MAN1A2: variants seen among roughly 807,000 people sequenced by gnomAD.
The protein encoded by MAN1A2 is mannosidase alpha class 1A member 2, also known as mannosyl-oligosaccharide 1,2-alpha-mannosidase IB.
MAN1A2 carries 26 observed loss-of-function variants against 75.7 expected under a neutral mutation model. The observed-to-expected ratio is 0.34, with a 90% CI of 0.25 to 0.48. The LOEUF (loss-of-function observed/expected upper bound fraction) is 0.48, where lower values mean the gene tolerates loss of function less well. Among genes scored for constraint, MAN1A2 ranks in the 20% least tolerant of loss-of-function variants. The pLI, the probability that MAN1A2 is intolerant of heterozygous loss-of-function variation, is 0.99. For synonymous variants in MAN1A2, 247 were observed against 264.6 expected (o/e 0.93, Z 0.65); for missense variants, 562 against 775.5 (o/e 0.72, Z 3.27).
intron 11 of MAN1A2, among the ~76,000 whole-genome samples, chr1:117,501,766 A>G (rs370000277): frequency 6.6e-6 from 1 of 151,940 alleles, no homozygotes; most frequent in East Asian, 1.9e-4. Context: ...AATGTTAATT[A>G]GCTTTTCATA....
At chr1:117,466,272 T>C in intron 7 of MAN1A2, 62 bp from the exon 8 acceptor site, 2 of 1,126,802 alleles carry the variant, frequency 1.8e-6, no homozygotes, top group Non-Finnish European at 2.6e-6. Context: ...AAGCCTACAT[T>C]AAAACCAAGC....
At position 117,425,720 on chromosome 1, in the gene MAN1A2, C is replaced by T. The variant is rs181883268; in HGVS notation, c.855+5071C>T. On this transcript the variant is annotated intron_variant, in intron 5 of 12. Coordinates refer to ENST00000356554, the MANE Select transcript of MAN1A2 (RefSeq NM_006699.5). ...TTCTCAAGGTGATAAAGGGCATCTA[C>T]AAAAAACCTATAGCTAACAATATTC... 6.2e-3 allele frequency among the ~76,000 whole-genome samples: 940 copies of T among 152,214 alleles called. 6 individuals carry two copies. The highest frequency in any genetic ancestry group is 0.011 in the Non-Finnish European group (732 of 67,992).
chr1:117,460,093 GTTTA>G (rs1409985386), intron 6 of MAN1A2, among the ~76,000 whole-genome samples: 2 of 150,934 alleles, frequency 1.3e-5, no homozygotes, highest in Non-Finnish European at 3.0e-5. Context: ...TGAGAAAGTT[GTTTA>G]TGAACTGATA....
chr1:117,455,539 C>T (rs1649551139), intron 6 of MAN1A2, among the ~76,000 whole-genome samples: 1 of 152,036 alleles, frequency 6.6e-6, no homozygotes, highest in Non-Finnish European at 1.5e-5. Flanking sequence ...CTACACTTGG[C>T]TGAGGGGCTG....
intron 1 of MAN1A2, among the ~76,000 whole-genome samples, chr1:117,385,834 A>G (rs1019176423): frequency 2.0e-5 from 3 of 150,372 alleles, no homozygotes; most frequent in Non-Finnish European, 3.0e-5. Flanking sequence ...CTGAAGAACT[A>G]GGTTTAGTAA....
intron 4 of MAN1A2, among the ~76,000 whole-genome samples, chr1:117,418,054 A>G (rs1208607075): frequency 1.3e-5 from 2 of 152,136 alleles, no homozygotes; most frequent in Non-Finnish European, 2.9e-5. Context: ...TCTGAAGAAT[A>G]TAAGGATTTT....
At chr1:117,386,220 A>AG (rs1653520550) in intron 1 of MAN1A2, among the ~76,000 whole-genome samples, 1 of 152,204 alleles carries the variant, frequency 6.6e-6, no homozygotes, top group Admixed American at 6.5e-5. Flanking sequence ...AAATAAAATA[A>AG]GGGGATGAAG....
chr1:117,420,497 G>A, intron 4 of MAN1A2, 72 bp from the exon 5 acceptor site: 1 of 1,069,604 alleles, frequency 9.3e-7, no homozygotes, highest in Non-Finnish European at 1.4e-6. Flanking sequence ...AAAAACAAAT[G>A]AAGTATTGAT....
At chr1:117,401,683 A>G (rs1038682739) in intron 1 of MAN1A2, among the ~76,000 whole-genome samples, 2 of 152,212 alleles carry the variant, frequency 1.3e-5, no homozygotes, top group Non-Finnish European at 2.9e-5. Context: ...AGTTTTAAGT[A>G]GTCATGCCCA....
intron 12 of MAN1A2, among the ~76,000 whole-genome samples, chr1:117,516,170 G>GA (rs1651709131): frequency 6.6e-6 from 1 of 151,876 alleles, no homozygotes; most frequent in Non-Finnish European, 1.5e-5. Flanking sequence ...AATTTATTTG[G>GA]ATTCTTGCAG....
chr1:117,445,868 G>C (rs6688396), intron 6 of MAN1A2, among the ~76,000 whole-genome samples: 2 of 94,208 alleles, frequency 2.1e-5, no homozygotes, highest in African/African-American at 8.9e-5. Context: ...GTATGTGTGT[G>C]TGTGTCTGTG....
At chr1:117,516,625 T>C (rs778782494) in intron 12 of MAN1A2, among the ~76,000 whole-genome samples, 56 of 152,154 alleles carry the variant, frequency 3.7e-4, no homozygotes, top group Admixed American at 1.4e-3. Flanking sequence ...AATAATGGTT[T>C]TGAAACACCA....
At chr1:117,412,400 A>G (rs1023859320) in intron 3 of MAN1A2, among the ~76,000 whole-genome samples, 2 of 151,624 alleles carry the variant, frequency 1.3e-5, no homozygotes, top group African/African-American at 4.8e-5. Context: ...AAACGAGGTT[A>G]ATGGTAGATT....
At chr1:117,382,490 G>T (rs1223240543) in intron 1 of MAN1A2, among the ~76,000 whole-genome samples, 4 of 152,140 alleles carry the variant, frequency 2.6e-5, no homozygotes, top group Admixed American at 2.6e-4. Context: ...TCAGATAGTT[G>T]TAGATATGCG....
rs372300456 is a variant in MAN1A2 at position 117,458,523 on chromosome 1, A to AGATATT, written c.951-1966_951-1965insGATATT. 8.5e-4 allele frequency among the ~76,000 whole-genome samples: 90 copies of AGATATT among 105,602 alleles called. 1 individual carries two copies. The highest frequency in any genetic ancestry group is 2.0e-3 in the African/African-American group (58 of 29,012). 69.3% of individuals were successfully genotyped at this position (105,602 alleles called of 152,430 possible). A position where few individuals can be genotyped will look rare whatever the true frequency, so the allele number is the denominator to read the frequency against. On this transcript the variant is annotated intron_variant, in intron 6 of 12. Transcript: ENST00000356554. ...TATATATATATATAGATATATATATATTTTTTTTTTTTTTTTTGAGACAGA... is the reference window on the plus strand; with the variant it reads ...TATATATATATATAGATATATATATAGATATTTTTTTTTTTTTTTTTTTGAGACAGA...
chr1:117,392,749 A>G (rs1250688402), intron 1 of MAN1A2, among the ~76,000 whole-genome samples: 3 of 152,210 alleles, frequency 2.0e-5, no homozygotes, highest in South Asian at 2.1e-4. Flanking sequence ...AAATCTTTTA[A>G]TAGCCAGATA....
rs1256464203 is a variant in MAN1A2, at chr1:117,445,868, G to GTATATATATATATA, written c.950+3544_950+3545insATATATATATATAT. ...TGTGTGTGTGTGTGTGTATGTGTGT[G>GTATATATATATATA]TGTGTCTGTGTGTGTGTATATATAT... On this transcript the variant is annotated intron_variant, in intron 6 of 12. Transcript: ENST00000356554. Among the ~76,000 whole-genome samples, 6 of 94,180 alleles carry GTATATATATATATA rather than the reference G, an allele frequency of 6.4e-5. No individual in the cohort carries two copies. In the South Asian group the frequency reaches 9.0e-4, roughly 14 times the overall value. The allele number at this position is 94,180 out of a possible 152,430, so 61.8% of individuals were successfully genotyped here.
intron 12 of MAN1A2, among the ~76,000 whole-genome samples, chr1:117,504,482 G>A (rs1285018457): frequency 6.6e-6 from 1 of 150,642 alleles, no homozygotes; most frequent in African/African-American, 2.4e-5. Flanking sequence ...ACAAGTTGAT[G>A]GTGACCAGCA....
chr1:117,490,417 G>A (rs1418958454), intron 8 of MAN1A2, among the ~76,000 whole-genome samples: 1 of 152,042 alleles, frequency 6.6e-6, no homozygotes, highest in African/African-American at 2.4e-5. Flanking sequence ...TGGGCAGCAT[G>A]AACAGCACCC....
Sources: allele counts gnomAD v4.1 joint callset (sites outside exome capture counted in the v4.1 genomes callset), GRCh38; gene constraint gnomAD v4.1.1; transcripts MANE v1.5; gene names NCBI Gene and HGNC (gene_info 2026-07-23, HGNC 2026-07-21).